FRMD6: variants seen among roughly 807,000 people sequenced by gnomAD.
FRMD6 encodes FERM domain containing 6.
In FRMD6, 37 loss-of-function variants were observed where a neutral mutation model predicts 73.2. That is an observed-to-expected ratio of 0.51 (90% CI 0.39 to 0.66). FRMD6 has a LOEUF of 0.66. Among genes scored for constraint, FRMD6 ranks in the 30% least tolerant of loss-of-function variants. The pLI, the probability that FRMD6 is intolerant of heterozygous loss-of-function variation, is 0.00. For missense variants in FRMD6, 714 were observed against 780.5 expected (o/e 0.91, Z 1.02); for synonymous variants, 273 against 282.2 (o/e 0.97, Z 0.33).
the FRMD6 span, among the ~76,000 whole-genome samples, chr14:51,416,596 G>C: frequency 6.6e-6 from 1 of 152,222 alleles, no homozygotes; most frequent in African/African-American, 2.4e-5. Context: ...TTTGGAATAA[G>C]TGCGATGTGG....
chr14:51,555,483 C>A (rs905582793), intron 1 of FRMD6, among the ~76,000 whole-genome samples: 2 of 152,094 alleles, frequency 1.3e-5, no homozygotes, highest in African/African-American at 4.8e-5. Flanking sequence ...TAATTACATA[C>A]TGATGTAGTC....
chr14:51,632,483 A>G (rs1484809041), intron 2 of FRMD6, among the ~76,000 whole-genome samples: 1 of 152,220 alleles, frequency 6.6e-6, no homozygotes, highest in African/African-American at 2.4e-5. Context: ...GTGTTGTACC[A>G]CTTGAGCTGC....
At chr14:51,438,465 T>G in the FRMD6 span, among the ~76,000 whole-genome samples, 1 of 152,266 alleles carries the variant, frequency 6.6e-6, no homozygotes, top group African/African-American at 2.4e-5. Flanking sequence ...TGCTTTTCTC[T>G]CAGCATAGAT....
At chr14:51,658,601 T>A (rs1443637191) in intron 1 of FRMD6, among the ~76,000 whole-genome samples, 1 of 152,202 alleles carries the variant, frequency 6.6e-6, no homozygotes, top group Non-Finnish European at 1.5e-5. Context: ...CATCCAGTTA[T>A]CGTTTCTTAA....
At chr14:51,566,894 C>T (rs726529) in intron 1 of FRMD6, among the ~76,000 whole-genome samples, 125,209 of 152,256 alleles carry the variant, frequency 0.82, 51,798 homozygotes, top group African/African-American at 0.91. Context: ...CTTGTTTTCA[C>T]AGAATTGGTT....
chr14:51,626,861 A>T (rs191161062), intron 2 of FRMD6, among the ~76,000 whole-genome samples: 1 of 152,374 alleles, frequency 6.6e-6, no homozygotes, highest in Admixed American at 6.5e-5. Flanking sequence ...GGAACATCAC[A>T]AGTACTCAAT....
At chr14:51,469,355 T>C in the FRMD6 span, among the ~76,000 whole-genome samples, 2 of 151,264 alleles carry the variant, frequency 1.3e-5, no homozygotes, top group Non-Finnish European at 2.9e-5. Context: ...GGCTCACGCC[T>C]GTAATCCCAG....
the FRMD6 span, among the ~76,000 whole-genome samples, chr14:51,470,170 T>C: frequency 8.5e-5 from 13 of 152,224 alleles, no homozygotes; most frequent in African/African-American, 3.1e-4. Context: ...TCTTTCTCTC[T>C]GTGTTTCAAT....
chr14:51,668,229 A>C (rs1359745696), intron 1 of FRMD6, among the ~76,000 whole-genome samples: 1 of 152,220 alleles, frequency 6.6e-6, no homozygotes, highest in East Asian at 1.9e-4. Flanking sequence ...AGGGATATGA[A>C]AGTAAAGGTG....
chr14:51,707,683 G>T (rs947228334), intron 6 of FRMD6, among the ~76,000 whole-genome samples: 1 of 152,122 alleles, frequency 6.6e-6, no homozygotes, highest in African/African-American at 2.4e-5. Flanking sequence ...AGTTAGGTAG[G>T]ATCCAGAACC....
At chr14:51,687,561 A>C (rs1339553457) in intron 1 of FRMD6, among the ~76,000 whole-genome samples, 1 of 152,178 alleles carries the variant, frequency 6.6e-6, no homozygotes, top group East Asian at 1.9e-4. Flanking sequence ...CTTGGGGGAA[A>C]AAAGTATTGT....
intron 2 of FRMD6, among the ~76,000 whole-genome samples, chr14:51,591,047 G>A (rs1446917682): frequency 6.6e-6 from 1 of 152,196 alleles, no homozygotes; most frequent in African/African-American, 2.4e-5. Flanking sequence ...CCCAATGGCA[G>A]CTGCTGTGGG....
intron 2 of FRMD6, chr14:51,692,630 A>G (rs1015111923): frequency 3.9e-5 from 6 of 152,222 alleles, no homozygotes; most frequent in African/African-American, 1.4e-4. Context: ...CAGCTGAGGA[A>G]GATAGTTATA....
At chr14:51,444,909 A>C in the FRMD6 span, among the ~76,000 whole-genome samples, 2 of 152,054 alleles carry the variant, frequency 1.3e-5, no homozygotes, top group African/African-American at 2.4e-5. Flanking sequence ...TGTTCCTTTT[A>C]AGTTCTTCCC....
intron 2 of FRMD6, chr14:51,643,325 T>A (rs543052628): frequency 5.9e-5 from 9 of 152,204 alleles, no homozygotes; most frequent in African/African-American, 1.9e-4. Context: ...AGTCACTGTG[T>A]GATGAAAAGG....
At chr14:51,716,757 T>TC (rs932916948) in intron 10 of FRMD6, among the ~76,000 whole-genome samples, 36 of 152,320 alleles carry the variant, frequency 2.4e-4, no homozygotes, top group African/African-American at 8.4e-4. Context: ...TGCCACTTCT[T>TC]CCCCACGATG....
intron 2 of FRMD6, among the ~76,000 whole-genome samples, chr14:51,582,567 C>T (rs1278204416): frequency 1.3e-5 from 2 of 152,166 alleles, no homozygotes; most frequent in African/African-American, 4.8e-5. Flanking sequence ...GCAGTATGCA[C>T]TTATCTGGAT....
At chr14:51,650,268 C>T (rs1024945503), upstream of FRMD6, 2 of 151,160 alleles carry the variant, frequency 1.3e-5, no homozygotes, top group African/African-American at 2.4e-5. Context: ...ACAATTATTT[C>T]AAGAGAGCTT....
chr14:51,420,715 A>C, the FRMD6 span, among the ~76,000 whole-genome samples: 1 of 152,334 alleles, frequency 6.6e-6, no homozygotes, highest in Admixed American at 6.5e-5. Flanking sequence ...TAATCTAGAT[A>C]TGATTTAAAG....
Sources: gnomAD v4.1 joint callset for allele counts (sites outside exome capture counted in the v4.1 genomes callset) on GRCh38, gnomAD v4.1.1 for gene constraint, MANE v1.5 for transcripts, NCBI Gene and HGNC (gene_info 2026-07-23, HGNC 2026-07-21) for gene names.